Variants in SELP observed in about 807,000 individuals in gnomAD.
SELP encodes the protein selectin P.
SELP carries 92 observed loss-of-function variants against 104.1 expected under a neutral mutation model. That is an observed-to-expected ratio of 0.88 (90% CI 0.75 to 1.05). The LOEUF (loss-of-function observed/expected upper bound fraction) is 1.05. SELP is among the 50% of genes least tolerant of loss of function. The pLI is 0.00. For synonymous variants in SELP, 397 were observed against 364.5 expected (o/e 1.09, Z -1.01); for missense variants, 1,022 against 1,017.3 (o/e 1.00, Z -0.06).
chr1:169,620,517 A>T (rs1663045060), intron 1 of SELP, among the ~76,000 whole-genome samples: 1 of 151,966 alleles, frequency 6.6e-6, no homozygotes, highest in South Asian at 2.1e-4. Flanking sequence ...GCCACTCAAC[A>T]TTACTATCAA....
intron 10 of SELP, among the ~76,000 whole-genome samples, chr1:169,602,777 A>T (rs1055380004): frequency 1.5e-4 from 23 of 152,012 alleles, no homozygotes; most frequent in African/African-American, 5.1e-4. Context: ...ATGCCCAGCT[A>T]TTTTTTGTAT....
chr1:169,626,366 G>A (rs1663373691), intron 1 of SELP, among the ~76,000 whole-genome samples: 1 of 152,344 alleles, frequency 6.6e-6, no homozygotes, highest in African/African-American at 2.4e-5. Context: ...CAGATCCCTT[G>A]AGGTCAGAAG....
At chr1:169,596,204 T>A in intron 11 of SELP, 70 bp from the exon 12 acceptor site, 1 of 1,395,132 alleles carries the variant, frequency 7.2e-7, no homozygotes, top group Non-Finnish European at 1.0e-6. Flanking sequence ...TTAAGGCTAA[T>A]CTGGAATAAC....
At chr1:169,616,961 TGGCC>T in intron 3 of SELP, 63 bp downstream of exon 3, 3 of 1,376,436 alleles carry the variant, frequency 2.2e-6, no homozygotes, top group South Asian at 2.1e-5. Context: ...GTGGTTATGT[TGGCC>T]AACCAGAGAA....
In SELP at chr1:169,593,561, A is replaced by T. The variant is rs983033884; in HGVS notation, c.2407+44T>A. 52 of 1,578,762 alleles carry T rather than the reference A, an allele frequency of 3.3e-5. No homozygotes were observed. In the African/African-American group the frequency reaches 3.7e-4, roughly 11 times the overall value. ...AAATTACATAAATCAATTTCTTTTG[A>T]TTTATGTAACCAAGATGCAAAGAGA... is the stretch of plus-strand genomic sequence containing the variant. On this transcript the variant is annotated intron_variant, in intron 14 of 16. Coordinates refer to ENST00000263686, the MANE Select transcript of SELP (RefSeq NM_003005.4).
chr1:169,607,819 A>G (rs1557958548), intron 8 of SELP, among the ~76,000 whole-genome samples: 1 of 152,200 alleles, frequency 6.6e-6, no homozygotes, highest in Non-Finnish European at 1.5e-5. Context: ...CAGTGGTAGT[A>G]ATAGATAGTA....
chr1:169,612,367 C>A lies in SELP; in HGVS notation c.811G>T (p.Gly271Ter), dbSNP rs766413760. 6.2e-7 allele frequency: 1 copy of A among 1,614,092 alleles called. No homozygotes were observed. Among genetic ancestry groups the A allele is most frequent in the Admixed American group, 1.7e-5 (1 of 60,010 alleles). The change falls in exon 6 of 17, where the codon GGA becomes TGA. Residue 271 changes from glycine (G) to a stop codon, truncating the protein, a stop_gained. Coordinates refer to ENST00000263686, the MANE Select transcript of SELP (RefSeq NM_003005.4). LOFTEE classifies it high-confidence loss of function. Reference sequence around the variant, plus strand: ...GCAGAATGAAGGCAGGTCATGTTTCCTCGTTCAGGAATCTTCAGGGGTGGG... The same window carrying A: ...GCAGAATGAAGGCAGGTCATGTTTCATCGTTCAGGAATCTTCAGGGGTGGG... ...QCPPLKIPER[G>*]NMTCLHSAKA...
At chr1:169,597,767 C>T (rs1661703547) in intron 10 of SELP, among the ~76,000 whole-genome samples, 2 of 152,192 alleles carry the variant, frequency 1.3e-5, no homozygotes, top group Admixed American at 1.3e-4. Context: ...AGATTAGTTT[C>T]TTGGAATTCC....
Position 169,612,201 on chromosome 1 carries a change from A to G in SELP, c.961+16T>C. ...GGTGCAATGGACATTATACATCCCA[A>G]CTACCTGAAACTCACCTTTACACAC... On this transcript the variant is annotated intron_variant, in intron 6 of 16. Transcript: ENST00000263686. 6.2e-7 allele frequency: 1 copy of G among 1,612,050 alleles called. No homozygotes were observed. The highest frequency in any genetic ancestry group is 1.1e-5 in the South Asian group (1 of 90,988).
At chr1:169,594,579 G>T in intron 13 of SELP, 113 bp downstream of exon 13, 1 of 995,670 alleles carries the variant, frequency 1.0e-6, no homozygotes, top group East Asian at 2.5e-5. Flanking sequence ...TATTAAGCAG[G>T]GGGAAACCCG....
chr1:169,611,495 C>T lies in SELP; in HGVS notation c.1144G>A (p.Glu382Lys), dbSNP rs776887795. The T allele has an allele frequency of 1.9e-5, 31 of 1,613,610 alleles. No homozygotes were observed. Among genetic ancestry groups the T allele is most frequent in the Non-Finnish European group, 2.4e-5 (28 of 1,179,782 alleles). The part of the protein sequence containing the change: ...GHWSAPLPTC[E>K]AISCEPLESP... ...GGTTGCTAATGAAAAATCCTACCCT[C>T]ACAGGTTGGCAAGGGTGCAGACCAG... The change falls in exon 7 of 17, where the codon GAG becomes AAG. Residue 382 changes from glutamate to lysine, a missense_variant. By Grantham distance (56) the Glu-to-Lys change is moderately conservative (BLOSUM62 1). Transcript: ENST00000263686.
chr1:169,609,140 A>G (rs1472547111), intron 8 of SELP, among the ~76,000 whole-genome samples: 1 of 152,146 alleles, frequency 6.6e-6, no homozygotes, highest in African/African-American at 2.4e-5. Context: ...CAGAGAGTCT[A>G]AACCACTAGC....
At position 169,603,296 on chromosome 1, in the gene SELP, C is replaced by CAT. The variant is rs1553229050; in HGVS notation, c.1520-86_1520-85insAT. The CAT allele has an allele frequency of 3.4e-4, 228 of 676,228 alleles. 6 individuals carry two copies. The South Asian group carries it at 5.4e-3, about 16-fold the overall frequency. 41.9% of individuals were successfully genotyped at this position (676,228 alleles called of 1,614,324 possible). ...CTCTGTAACTCTCTCTCTCTTTCTC[C>CAT]CTCTCTCTCTCTGTGTGTGTGTGTG... On this transcript the variant is annotated intron_variant, in intron 9 of 16. Coordinates refer to ENST00000263686, the MANE Select transcript of SELP (RefSeq NM_003005.4).
At chr1:169,611,256 A>G (rs1662517436) in intron 7 of SELP, among the ~76,000 whole-genome samples, 1 of 152,138 alleles carries the variant, frequency 6.6e-6, no homozygotes, top group South Asian at 2.1e-4. Context: ...GCTCTATGCT[A>G]GGTACTTTAT....
chr1:169,597,148 TG>T lies in SELP; in HGVS notation c.1733del (p.Pro578GlnfsTer55). On this transcript the variant is annotated frameshift_variant, in exon 11 of 17. Transcript: ENST00000263686. LOFTEE classifies it high-confidence loss of function. ...EAIKCPELFAPEQGSLDCSDT... is the reference protein window; with the variant it reads ...EAIKCPELFAXEQGSLDCSDT... ...CAGAACAATCCAGGCTGCCCTGCTCTGGGGCAAAGAGTTCTGGGCACTTGAT... is the reference window on the plus strand; with the variant it reads ...CAGAACAATCCAGGCTGCCCTGCTCTGGGCAAAGAGTTCTGGGCACTTGAT... 1 of 1,605,918 alleles carries T rather than the reference TG, an allele frequency of 6.2e-7. No homozygotes were observed. The highest frequency in any genetic ancestry group is 8.5e-7 in the Non-Finnish European group (1 of 1,175,784).
rs552895990 is a variant in SELP, at chr1:169,606,964, G to A, written c.1504C>T (p.Pro502Ser). Residue 502 changes from proline to serine, a missense_variant, in exon 9 of 17, where the codon CCT becomes TCT. Physicochemically the swap from Pro to Ser is moderately conservative, Grantham distance 74. Coordinates refer to ENST00000263686, the MANE Select transcript of SELP (RefSeq NM_003005.4). Reference sequence around the variant, plus strand: ...ACACTCTTACCTTGGCATTCTGGAGGAACAGAATTCCAGTTTCCAGTAGCC... The same window carrying A: ...ACACTCTTACCTTGGCATTCTGGAGAAACAGAATTCCAGTTTCCAGTAGCC... ...CLATGNWNSV[P>S]PECQAIPCTP... 23 of 1,612,848 alleles carry A rather than the reference G, an allele frequency of 1.4e-5. No homozygotes were observed. In the South Asian group the frequency reaches 2.3e-4, roughly 16 times the overall value.
chr1:169,604,138 C>T (rs1277903117), intron 9 of SELP, among the ~76,000 whole-genome samples: 1 of 151,890 alleles, frequency 6.6e-6, no homozygotes, highest in Non-Finnish European at 1.5e-5. Context: ...TTAATGATCG[C>T]CATTCTAACT....
chr1:169,610,429 C>T (rs907793470), intron 7 of SELP, among the ~76,000 whole-genome samples: 1 of 152,124 alleles, frequency 6.6e-6, no homozygotes, highest in Non-Finnish European at 1.5e-5. Flanking sequence ...ATTTCTGAAA[C>T]TTTTCAAAGT....
At chr1:169,597,625 A>G (rs1485771361) in intron 10 of SELP, among the ~76,000 whole-genome samples, 2 of 152,164 alleles carry the variant, frequency 1.3e-5, no homozygotes, top group Non-Finnish European at 2.9e-5. Flanking sequence ...TAAAACTGCA[A>G]TGATTGCTTT....
Sources: allele counts gnomAD v4.1 joint callset (sites outside exome capture counted in the v4.1 genomes callset), GRCh38; gene constraint gnomAD v4.1.1; transcripts MANE v1.5; gene names NCBI Gene and HGNC (gene_info 2026-07-23, HGNC 2026-07-21).